The following AAGAB variants were observed in gnomAD, a reference collection of about 807,000 sequenced individuals.
AAGAB encodes the protein alpha- and gamma-adaptin-binding protein p34.
AAGAB carries 38 observed loss-of-function variants against 44.1 expected under a neutral mutation model. The ratio of observed to expected loss-of-function variants is 0.86; its 90% CI spans 0.67 to 1.13. The LOEUF (loss-of-function observed/expected upper bound fraction) is 1.13, where lower values mean the gene tolerates loss of function less well. AAGAB is among the 50% of genes most tolerant of loss of function. The pLI is 0.00. For missense variants in AAGAB, 450 were observed against 373.8 expected (o/e 1.20, Z -1.68); for synonymous variants, 131 against 131.8 (o/e 0.99, Z 0.04).
chr15:67,253,454 A>G (rs1033282294), intron 1 of AAGAB, among the ~76,000 whole-genome samples: 1 of 151,910 alleles, frequency 6.6e-6, no homozygotes, highest in African/African-American at 2.4e-5. Flanking sequence ...AAAGGAGAGA[A>G]AAGAGAAAGT....
intron 5 of AAGAB, among the ~76,000 whole-genome samples, chr15:67,210,783 C>A (rs1384000504): frequency 6.6e-6 from 1 of 152,168 alleles, no homozygotes; most frequent in African/African-American, 2.4e-5. Context: ...CATGGAATCT[C>A]AACTTTTAGC....
chr15:67,239,310 G>A (rs1964542677), intron 1 of AAGAB, among the ~76,000 whole-genome samples: 1 of 152,150 alleles, frequency 6.6e-6, no homozygotes, highest in Admixed American at 6.5e-5. Context: ...ATCCATTAAT[G>A]ATGGCTAATT....
chr15:67,254,647 C>G lies in AAGAB; in HGVS notation c.-16G>C, dbSNP rs113546620. 7.0e-3 allele frequency: 11,263 copies of G among 1,599,556 alleles called. 58 individuals carry two copies. Among genetic ancestry groups the G allele is most frequent in the Non-Finnish European group, 8.6e-3 (10,080 of 1,174,982 alleles). On this transcript the variant is annotated 5_prime_UTR_variant, in exon 1 of 10. Coordinates refer to ENST00000261880, the MANE Select transcript of AAGAB (RefSeq NM_024666.5). ...CAGCAGCCATAGCTGCGCTCGCGAGCCGGTTCCGTCAGGCAGCCGCTTCCG... is the reference window on the plus strand; with the variant it reads ...CAGCAGCCATAGCTGCGCTCGCGAGGCGGTTCCGTCAGGCAGCCGCTTCCG...
chr15:67,241,222 TAC>T (rs1964592344), intron 1 of AAGAB, among the ~76,000 whole-genome samples: 1 of 152,144 alleles, frequency 6.6e-6, no homozygotes, highest in Non-Finnish European at 1.5e-5. Context: ...GGTAATTAAG[TAC>T]ACTTTTAATA....
intron 5 of AAGAB, among the ~76,000 whole-genome samples, chr15:67,209,816 C>T (rs1225092731): frequency 6.6e-6 from 1 of 151,952 alleles, no homozygotes; most frequent in African/African-American, 2.4e-5. Flanking sequence ...CTGTGCCTGG[C>T]TATTTTTTTT....
intron 1 of AAGAB, among the ~76,000 whole-genome samples, chr15:67,240,360 T>C (rs1312807998): frequency 6.6e-6 from 1 of 152,190 alleles, no homozygotes; most frequent in African/African-American, 2.4e-5. Context: ...TAGACTCCGA[T>C]ATGCACAAAG....
intron 5 of AAGAB, among the ~76,000 whole-genome samples, chr15:67,222,228 GCA>G (rs1368084831): frequency 0.017 from 1,473 of 88,276 alleles, 12 homozygotes; most frequent in African/African-American, 0.035. Context: ...GCATGCACGC[GCA>G]CGCGCGCGCG....
chr15:67,254,487 C>A, intron 1 of AAGAB, 72 bp downstream of exon 1: 2 of 1,517,026 alleles, frequency 1.3e-6, no homozygotes. Context: ...CCCAGAGAGG[C>A]CGTGGTGCTG....
At chr15:67,243,972 G>T (rs1001749526) in intron 1 of AAGAB, among the ~76,000 whole-genome samples, 4 of 151,870 alleles carry the variant, frequency 2.6e-5, no homozygotes, top group African/African-American at 9.7e-5. Flanking sequence ...AGCCTAAACA[G>T]GACAATTACG....
Position 67,222,578 on chromosome 15 carries a change from A to G in AAGAB, c.535+9236T>C, listed in dbSNP as rs537949102. Among the ~76,000 whole-genome samples the G allele has an allele frequency of 1.9e-3, 290 of 152,122 alleles. 2 individuals carry two copies. The highest frequency in any genetic ancestry group is 6.6e-3 in the African/African-American group (275 of 41,472). ...CCCACTGAGCCACATTTGCATCCAC[A>G]AACCCCCTTTCCCATGTCTTTCTAG... is the stretch of plus-strand genomic sequence containing the variant. On this transcript the variant is annotated intron_variant, in intron 5 of 9. Transcript: ENST00000261880.
At chr15:67,233,139 G>A (rs1358716748) in intron 4 of AAGAB, among the ~76,000 whole-genome samples, 1 of 152,142 alleles carries the variant, frequency 6.6e-6, no homozygotes, top group Non-Finnish European at 1.5e-5. Context: ...ATAAAATCAT[G>A]TAAATGCTCT....
chr15:67,222,234 G>GCA (rs779911873), intron 5 of AAGAB, among the ~76,000 whole-genome samples: 5 of 43,142 alleles, frequency 1.2e-4, no homozygotes, highest in Non-Finnish European at 2.3e-4. Context: ...ACGCGCACGC[G>GCA]CGCGCGCGCA....
At chr15:67,254,377 G>A in intron 1 of AAGAB, 182 bp downstream of exon 1, 1 of 1,388,744 alleles carries the variant, frequency 7.2e-7, no homozygotes, top group Non-Finnish European at 9.4e-7. Context: ...GGCCGAGTGG[G>A]CAGAAAAGCA....
intron 1 of AAGAB, among the ~76,000 whole-genome samples, chr15:67,249,289 A>G (rs1216288411): frequency 6.6e-6 from 1 of 151,954 alleles, no homozygotes; most frequent in African/African-American, 2.4e-5. Flanking sequence ...CCCCCCTCGG[A>G]CTCCCAAAGT....
intron 8 of AAGAB, 129 bp downstream of exon 8, chr15:67,203,915 G>T: frequency 1.5e-6 from 1 of 647,800 alleles, no homozygotes; most frequent in Non-Finnish European, 2.6e-6. Context: ...CCCAGGAGTA[G>T]CTAAGTTTCT....
At chr15:67,253,832 T>C (rs1023023578) in intron 1 of AAGAB, among the ~76,000 whole-genome samples, 2 of 152,090 alleles carry the variant, frequency 1.3e-5, no homozygotes, top group Admixed American at 1.3e-4. Flanking sequence ...GCTAAGTCAC[T>C]GCTCTGATTC....
chr15:67,214,795 C>T (rs1341930584), intron 5 of AAGAB, among the ~76,000 whole-genome samples: 4 of 152,046 alleles, frequency 2.6e-5, no homozygotes, highest in Non-Finnish European at 4.4e-5. Context: ...CGTCCGCCAC[C>T]GCGCCTGGCT....
Position 67,202,750 on chromosome 15 carries a change from G to T in AAGAB, c.*71C>A. 1.3e-6 allele frequency: 2 copies of T among 1,520,254 alleles called. No individual in the cohort carries two copies. Among genetic ancestry groups the T allele is most frequent in the South Asian group, 2.3e-5 (2 of 88,836 alleles). 94.2% of individuals were successfully genotyped at this position (1,520,254 alleles called of 1,614,324 possible). A position where few individuals can be genotyped will look rare whatever the true frequency, so the allele number is the denominator to read the frequency against. ...GATAAGGGCAATTTTGGCAAAATAT[G>T]ACTGGGCTGAGTAGAGAGGTATCTC... On this transcript the variant is annotated 3_prime_UTR_variant, in exon 10 of 10. Transcript: ENST00000261880.
At chr15:67,241,258 T>A (rs1376714708) in intron 1 of AAGAB, among the ~76,000 whole-genome samples, 2 of 152,174 alleles carry the variant, frequency 1.3e-5, no homozygotes, top group African/African-American at 4.8e-5. Context: ...ACTTAACCAA[T>A]CATGACATTC....
Sources: allele counts gnomAD v4.1 joint callset (sites outside exome capture counted in the v4.1 genomes callset), GRCh38; gene constraint gnomAD v4.1.1; transcripts MANE v1.5; gene names NCBI Gene and HGNC (gene_info 2026-07-23, HGNC 2026-07-21).